RANBP2: variants seen among roughly 807,000 people sequenced by gnomAD.
RANBP2 encodes the protein E3 SUMO-protein ligase RanBP2.
A neutral mutation model predicts 303.6 loss-of-function variants in RANBP2; 57 were observed. The observed-to-expected ratio is 0.19, with a 90% CI of 0.15 to 0.23. The LOEUF is 0.23. Among genes scored for constraint, RANBP2 ranks in the 10% least tolerant of loss-of-function variants. The pLI is 1.00. For synonymous variants in RANBP2, 1,167 were observed against 1,301.5 expected (o/e 0.90, Z 2.23); for missense variants, 3,138 against 3,780.8 (o/e 0.83, Z 4.46).
chr2:109,485,188 A>G, the RANBP2 span, among the ~76,000 whole-genome samples: 5 of 152,228 alleles, frequency 3.3e-5, no homozygotes, highest in South Asian at 1.0e-3. Flanking sequence ...CTGATCTTAA[A>G]TATTGCCTGA....
At chr2:109,248,373 GC>G in the RANBP2 span, among the ~76,000 whole-genome samples, 1 of 152,056 alleles carries the variant, frequency 6.6e-6, no homozygotes, top group African/African-American at 2.4e-5. Context: ...TTATGGTTTT[GC>G]CTCTCATGAT....
At chr2:109,008,921 G>C in the RANBP2 span, among the ~76,000 whole-genome samples, 1 of 149,062 alleles carries the variant, frequency 6.7e-6, no homozygotes, top group African/African-American at 2.5e-5. Flanking sequence ...GAAAAGAAAA[G>C]AAAAGAAAAA....
At chr2:108,926,592 C>T in the RANBP2 span, among the ~76,000 whole-genome samples, 1,266 of 152,312 alleles carry the variant, frequency 8.3e-3, 19 homozygotes, top group African/African-American at 0.029. Context: ...GGAGCTCCTC[C>T]GGGGTGAGGC....
chr2:109,573,547 C>T, the RANBP2 span, among the ~76,000 whole-genome samples: 3 of 152,156 alleles, frequency 2.0e-5, no homozygotes, highest in African/African-American at 7.2e-5. Flanking sequence ...AAAAGTAAAT[C>T]GACCGATGTG....
the RANBP2 span, among the ~76,000 whole-genome samples, chr2:109,041,363 T>A: frequency 6.8e-3 from 1,036 of 152,274 alleles, 6 homozygotes; most frequent in East Asian, 0.035. Context: ...ATAGACAACA[T>A]CCTTGTCATG....
the RANBP2 span, among the ~76,000 whole-genome samples, chr2:109,625,638 C>G: frequency 6.6e-6 from 1 of 152,006 alleles, no homozygotes; most frequent in Non-Finnish European, 1.5e-5. Context: ...TGCACTCCAG[C>G]CTTGGTGACA....
the RANBP2 span, among the ~76,000 whole-genome samples, chr2:108,856,040 A>C: frequency 1.6e-3 from 240 of 152,332 alleles, 1 homozygote; most frequent in African/African-American, 5.4e-3. Flanking sequence ...CTGTAAGAGT[A>C]GGGACTTGGG....
the RANBP2 span, among the ~76,000 whole-genome samples, chr2:109,397,749 T>C: frequency 6.6e-6 from 1 of 152,110 alleles, no homozygotes; most frequent in African/African-American, 2.4e-5. Flanking sequence ...CCCCTCCAGG[T>C]GATGCCGCAG....
chr2:109,085,744 G>T, the RANBP2 span, among the ~76,000 whole-genome samples: 1 of 151,976 alleles, frequency 6.6e-6, no homozygotes, highest in African/African-American at 2.4e-5. Context: ...GGGATTACAG[G>T]CACCTGCCAC....
chr2:109,204,424 T>TA, the RANBP2 span, among the ~76,000 whole-genome samples: 50 of 152,378 alleles, frequency 3.3e-4, 1 homozygote, highest in South Asian at 0.01. Flanking sequence ...GATTGTCCCT[T>TA]AAAAATCTGC....
At chr2:108,811,219 T>G in the RANBP2 span, among the ~76,000 whole-genome samples, 1 of 147,648 alleles carries the variant, frequency 6.8e-6, no homozygotes, top group Non-Finnish European at 1.5e-5. Flanking sequence ...TACTATTTCT[T>G]CTCTCCCTTT....
the RANBP2 span, among the ~76,000 whole-genome samples, chr2:109,699,594 G>A: frequency 1.9e-3 from 293 of 152,270 alleles, no homozygotes; most frequent in South Asian, 6.2e-3. Flanking sequence ...TTTATTAAGC[G>A]GAAGCAGATC....
At chr2:109,008,721 T>C in the RANBP2 span, among the ~76,000 whole-genome samples, 1 of 150,832 alleles carries the variant, frequency 6.6e-6, no homozygotes, top group Non-Finnish European at 1.5e-5. Flanking sequence ...GCTAACACAG[T>C]GAAACCCCGT....
the RANBP2 span, among the ~76,000 whole-genome samples, chr2:109,500,546 A>C: frequency 6.6e-6 from 1 of 152,186 alleles, no homozygotes; most frequent in African/African-American, 2.4e-5. Flanking sequence ...GTCTTGTGGA[A>C]ATGAGATGTG....
At chr2:109,611,123 T>A in the RANBP2 span, among the ~76,000 whole-genome samples, 1 of 152,246 alleles carries the variant, frequency 6.6e-6, no homozygotes, top group South Asian at 2.1e-4. Flanking sequence ...CTGGAGCAAC[T>A]GGACATCCAT....
chr2:109,362,757 G>A, the RANBP2 span, among the ~76,000 whole-genome samples: 1 of 152,140 alleles, frequency 6.6e-6, no homozygotes, highest in African/African-American at 2.4e-5. Context: ...CTGTTGTTAG[G>A]TGCGTGTAAT....
the RANBP2 span, among the ~76,000 whole-genome samples, chr2:109,352,033 C>T: frequency 1.3e-5 from 2 of 152,230 alleles, no homozygotes; most frequent in Non-Finnish European, 1.5e-5. Flanking sequence ...GAGGTAGACA[C>T]AGATTCAAAT....
At chr2:109,726,128 G>A in the RANBP2 span, among the ~76,000 whole-genome samples, 1 of 150,630 alleles carries the variant, frequency 6.6e-6, no homozygotes, top group Non-Finnish European at 1.5e-5. Context: ...AACGGAGGTG[G>A]CCGGGTGCAG....
the RANBP2 span, among the ~76,000 whole-genome samples, chr2:109,562,215 AAATAAT>A: frequency 0.13 from 20,164 of 151,268 alleles, 1,819 homozygotes; most frequent in African/African-American, 0.26. Context: ...TCTATCTCAA[AAATAAT>A]AATAATAATA....
Sources: gnomAD v4.1 joint callset for allele counts (sites outside exome capture counted in the v4.1 genomes callset) on GRCh38, gnomAD v4.1.1 for gene constraint, MANE v1.5 for transcripts, NCBI Gene and HGNC (gene_info 2026-07-23, HGNC 2026-07-21) for gene names.